TRIM26: variants seen among roughly 807,000 people sequenced by gnomAD.
TRIM26 encodes the protein tripartite motif containing 26, also known as tripartite motif-containing protein 26.
A neutral mutation model predicts 45.5 loss-of-function variants in TRIM26; 16 were observed. That is an observed-to-expected ratio of 0.35 (90% CI 0.24 to 0.53). The LOEUF is 0.53. TRIM26 is among the 20% of genes least tolerant of loss of function. TRIM26 has a pLI of 0.92. For missense variants in TRIM26, 442 were observed against 691.1 expected (o/e 0.64, Z 4.04); for synonymous variants, 273 against 290.4 (o/e 0.94, Z 0.61).
rs546510475 is a variant in TRIM26 at position 30,209,896 on chromosome 6, C to T, written c.-376+3409G>A. 5.9e-5 allele frequency among the ~76,000 whole-genome samples: 9 copies of T among 151,880 alleles called. No homozygotes were observed. The South Asian group carries it at 1.0e-3, about 18-fold the overall frequency. ...AAAAACAAACACACCAAAAAAACTC[C>T]TACTAGCTGAGGTCAAAACTGCACA... On this transcript the variant is annotated intron_variant, in intron 1 of 9. Coordinates refer to ENST00000454678, the MANE Select transcript of TRIM26 (RefSeq NM_003449.5). This position sits in a 1 kb window ranked among gnomAD's most constrained non-coding sequence, Gnocchi z 4.8.
chr6:30,189,732 C>T lies in TRIM26; in HGVS notation c.789-199G>A, dbSNP rs996072300. On this transcript the variant is annotated intron_variant, in intron 7 of 9. Transcript: ENST00000454678. This position sits in a 1 kb window ranked among gnomAD's most constrained non-coding sequence, Gnocchi z 5.0. ...ATCAGTAGACTCCACATCCAGGGCGCTCTGTCTACTAAGCCATGTTTCTAA... is the reference window on the plus strand; with the variant it reads ...ATCAGTAGACTCCACATCCAGGGCGTTCTGTCTACTAAGCCATGTTTCTAA... The T allele has an allele frequency of 1.6e-5, 10 of 614,892 alleles. No individual in the cohort carries two copies. In the African/African-American group the frequency reaches 1.8e-4, roughly 11 times the overall value. 38.1% of individuals were successfully genotyped at this position (614,892 alleles called of 1,614,324 possible).
Position 30,185,811 on chromosome 6 carries a change from G to A in TRIM26, c.*65C>T. ...AGGCCAGGCATCCCGTCCCCCCATT[G>A]AGAGTCCTGGAATTCCAAAGAAGTG... On this transcript the variant is annotated 3_prime_UTR_variant, in exon 10 of 10. Coordinates refer to ENST00000454678, the MANE Select transcript of TRIM26 (RefSeq NM_003449.5). This position sits in a 1 kb window ranked among gnomAD's most constrained non-coding sequence, Gnocchi z 5.7. 1 of 1,536,156 alleles carries A rather than the reference G, an allele frequency of 6.5e-7. No individual in the cohort carries two copies. The highest frequency in any genetic ancestry group is 8.8e-7 in the Non-Finnish European group (1 of 1,136,662).
intron 6 of TRIM26, among the ~76,000 whole-genome samples, chr6:30,193,099 TCTATATAC>T (rs1776040887): frequency 2.3e-5 from 3 of 130,808 alleles, no homozygotes; most frequent in Non-Finnish European, 4.8e-5. Flanking sequence ...TATATATGTA[TCTATATAC>T]ATATATATGT....
intron 1 of TRIM26, among the ~76,000 whole-genome samples, chr6:30,210,465 C>T (rs1042289475): frequency 2.0e-5 from 3 of 152,180 alleles, no homozygotes; most frequent in Admixed American, 2.0e-4. Flanking sequence ...CTGTACCCAT[C>T]CCACCTCTGA....
In TRIM26 at chr6:30,199,786, A is replaced by G. The variant is rs566690032; in HGVS notation, c.-161-522T>C. ...CGAGTAGCTGGGACTACAGGCACCC[A>G]CCACCACACCTGGCTAATTTTTTGT... On this transcript the variant is annotated intron_variant, in intron 3 of 9. Transcript: ENST00000454678. Among the ~76,000 whole-genome samples, 904 of 151,850 alleles carry G rather than the reference A, an allele frequency of 6.0e-3. 16 individuals carry two copies. Among genetic ancestry groups the G allele is most frequent in the African/African-American group, 0.021 (870 of 41,410 alleles).
chr6:30,209,434 G>C lies in TRIM26; in HGVS notation c.-376+3871C>G, dbSNP rs1179778687. Among the ~76,000 whole-genome samples, 1 of 152,162 alleles carries C rather than the reference G, an allele frequency of 6.6e-6. No homozygotes were observed. The highest frequency in any genetic ancestry group is 1.5e-5 in the Non-Finnish European group (1 of 68,034). On this transcript the variant is annotated intron_variant, in intron 1 of 9. Coordinates refer to ENST00000454678, the MANE Select transcript of TRIM26 (RefSeq NM_003449.5). The surrounding 1 kb of genome is among the most constrained non-coding windows in gnomAD (Gnocchi z 4.8). ...CAATGTAACGGTATTAAGAGGTGGGGTCTTTAAGACGTGACTGGGTCATGA... is the reference window on the plus strand; with the variant it reads ...CAATGTAACGGTATTAAGAGGTGGGCTCTTTAAGACGTGACTGGGTCATGA...
chr6:30,196,436 T>A lies in TRIM26; in HGVS notation c.765+80A>T, dbSNP rs1433866075. On this transcript the variant is annotated intron_variant, in intron 6 of 9. Coordinates refer to ENST00000454678, the MANE Select transcript of TRIM26 (RefSeq NM_003449.5). This position sits in a 1 kb window ranked among gnomAD's most constrained non-coding sequence, Gnocchi z 4.9. Reference sequence around the variant, plus strand: ...ATGACAAAACTGAGCCCCCAAGTCTTCTAAGGTCCTGCAAGTGAATGGCAG... The same window carrying A: ...ATGACAAAACTGAGCCCCCAAGTCTACTAAGGTCCTGCAAGTGAATGGCAG... The A allele has an allele frequency of 2.8e-6, 4 of 1,421,664 alleles. No individual in the cohort carries two copies. Among genetic ancestry groups the A allele is most frequent in the Non-Finnish European group, 2.9e-6 (3 of 1,039,400 alleles). 88.1% of individuals were successfully genotyped at this position (1,421,664 alleles called of 1,614,324 possible).
In TRIM26 at chr6:30,207,069, G is replaced by A. The variant is rs1332313221; in HGVS notation, c.-375-2304C>T. Among the ~76,000 whole-genome samples the A allele has an allele frequency of 1.3e-5, 2 of 152,318 alleles. No homozygotes were observed. The highest frequency in any genetic ancestry group is 2.1e-4 in the South Asian group (1 of 4,830). ...GCCTCACAGGCAGAGGAAATCATCC[G>A]CCGGAGAAAGGGTAGCGGTGAATTT... On this transcript the variant is annotated intron_variant, in intron 1 of 9. Coordinates refer to ENST00000454678, the MANE Select transcript of TRIM26 (RefSeq NM_003449.5). The surrounding 1 kb of genome is among the most constrained non-coding windows in gnomAD (Gnocchi z 4.9).
chr6:30,197,603 G>A (rs749220717), intron 5 of TRIM26, among the ~76,000 whole-genome samples: 3 of 152,142 alleles, frequency 2.0e-5, no homozygotes, highest in African/African-American at 7.2e-5. Flanking sequence ...GTATCAGTGG[G>A]TGATGGGTTC....
In TRIM26 at chr6:30,190,085, T is replaced by A. The variant is rs758794356; in HGVS notation, c.766-50A>T. ...AGTATCAATATGAATCAAATAAGAC[T>A]TCAATGCATCTGCACCCAACACTGT... is the stretch of plus-strand genomic sequence containing the variant. On this transcript the variant is annotated intron_variant, in intron 6 of 9. Transcript: ENST00000454678. The surrounding 1 kb of genome is among the most constrained non-coding windows in gnomAD (Gnocchi z 4.3). 2.1e-5 allele frequency: 34 copies of A among 1,598,566 alleles called. No individual in the cohort carries two copies. Among genetic ancestry groups the A allele is most frequent in the Non-Finnish European group, 2.9e-5 (34 of 1,167,844 alleles).
intron 2 of TRIM26, among the ~76,000 whole-genome samples, chr6:30,201,982 G>GGT (rs1777225314): frequency 6.6e-6 from 1 of 152,230 alleles, no homozygotes; most frequent in Non-Finnish European, 1.5e-5. Flanking sequence ...AAAAAGGAGT[G>GGT]GTACTGGGCG....
chr6:30,193,180 A>ATTT (rs1380615658), intron 6 of TRIM26, among the ~76,000 whole-genome samples: 5 of 47,196 alleles, frequency 1.1e-4, no homozygotes, highest in African/African-American at 2.8e-4. Context: ...ATATATATAT[A>ATTT]TATTTTTTTT....
chr6:30,210,999 C>T (rs1162241603), intron 1 of TRIM26, among the ~76,000 whole-genome samples: 2 of 152,182 alleles, frequency 1.3e-5, no homozygotes, highest in Non-Finnish European at 1.5e-5. Flanking sequence ...TATCTGTCTT[C>T]TCTCCCACCA....
rs983081957 is a variant in TRIM26 at position 30,196,282 on chromosome 6, T to C, written c.765+234A>G. On this transcript the variant is annotated intron_variant, in intron 6 of 9. Coordinates refer to ENST00000454678, the MANE Select transcript of TRIM26 (RefSeq NM_003449.5). The surrounding 1 kb of genome is among the most constrained non-coding windows in gnomAD (Gnocchi z 4.9). ...CCCTTCCATTTTCTACTATACCATT[T>C]AGTTTTTTGAACAGTTTTGTGTAAA... Among the ~76,000 whole-genome samples, 2 of 152,272 alleles carry C rather than the reference T, an allele frequency of 1.3e-5. No homozygotes were observed. Among genetic ancestry groups the C allele is most frequent in the Non-Finnish European group, 2.9e-5 (2 of 68,044 alleles).
chr6:30,189,224 G>A lies in TRIM26; in HGVS notation c.905-25C>T. 6.2e-7 allele frequency: 1 copy of A among 1,613,058 alleles called. No individual in the cohort carries two copies. Among genetic ancestry groups the A allele is most frequent in the Non-Finnish European group, 8.5e-7 (1 of 1,180,026 alleles). On this transcript the variant is annotated intron_variant, in intron 8 of 9. Transcript: ENST00000454678. The surrounding 1 kb of genome is among the most constrained non-coding windows in gnomAD (Gnocchi z 5.0). ...CCTGGGGAGAAAAAAGGACAGCAAT[G>A]ACTCAAGTCCCGAAAATTTATGAGC...
rs1777859301 is a variant in TRIM26, at chr6:30,207,682, G to GC, written c.-375-2918dup. ...CTAGCTGGATTCCCAGATAATCATG[G>GC]CCCAGCCTGTGTCTCCAGGCTCATT... On this transcript the variant is annotated intron_variant, in intron 1 of 9. Transcript: ENST00000454678. The surrounding 1 kb of genome is among the most constrained non-coding windows in gnomAD (Gnocchi z 4.9). Among the ~76,000 whole-genome samples, 1 of 152,042 alleles carries GC rather than the reference G, an allele frequency of 6.6e-6. No homozygotes were observed. Among genetic ancestry groups the GC allele is most frequent in the South Asian group, 2.1e-4 (1 of 4,816 alleles).
Position 30,190,111 on chromosome 6 carries a change from A to G in TRIM26, c.766-76T>C, listed in dbSNP as rs1775666960. On this transcript the variant is annotated intron_variant, in intron 6 of 9. Coordinates refer to ENST00000454678, the MANE Select transcript of TRIM26 (RefSeq NM_003449.5). This position sits in a 1 kb window ranked among gnomAD's most constrained non-coding sequence, Gnocchi z 4.3. The stretch of plus-strand genomic sequence containing the variant: ...TCAATGCATCTGCACCCAACACTGT[A>G]GCAGAGATGGGACATATCAGTGAAC... 6.7e-7 allele frequency: 1 copy of G among 1,485,356 alleles called. No individual in the cohort carries two copies. Among genetic ancestry groups the G allele is most frequent in the Admixed American group, 1.7e-5 (1 of 59,218 alleles). The allele number at this position is 1,485,356 out of a possible 1,614,324, so 92.0% of individuals were successfully genotyped here. A position where few individuals can be genotyped will look rare whatever the true frequency, so the allele number is the denominator to read the frequency against.
At chr6:30,199,509 A>G (rs2127513603) in intron 3 of TRIM26, among the ~76,000 whole-genome samples, 1 of 152,310 alleles carries the variant, frequency 6.6e-6, no homozygotes, top group Non-Finnish European at 1.5e-5. Context: ...GAAACTCATA[A>G]TGATACACAT....
rs1035415434 is a variant in TRIM26, at chr6:30,190,151, C to A, written c.766-116G>T. 9 of 1,158,512 alleles carry A rather than the reference C, an allele frequency of 7.8e-6. No individual in the cohort carries two copies. Among genetic ancestry groups the A allele is most frequent in the African/African-American group, 3.1e-5 (2 of 64,892 alleles). 71.8% of individuals were successfully genotyped at this position (1,158,512 alleles called of 1,614,324 possible). A position where few individuals can be genotyped will look rare whatever the true frequency, so the allele number is the denominator to read the frequency against. ...TATCAGTGAACAAAACAAATGTGGTCCCTTTTTTATGGAGCTGACATTCCA... is the reference window on the plus strand; with the variant it reads ...TATCAGTGAACAAAACAAATGTGGTACCTTTTTTATGGAGCTGACATTCCA... On this transcript the variant is annotated intron_variant, in intron 6 of 9. Coordinates refer to ENST00000454678, the MANE Select transcript of TRIM26 (RefSeq NM_003449.5). This position sits in a 1 kb window ranked among gnomAD's most constrained non-coding sequence, Gnocchi z 4.3.
Sources: gnomAD v4.1 joint callset for allele counts (sites outside exome capture counted in the v4.1 genomes callset) on GRCh38, gnomAD v4.1.1 for gene constraint, Gnocchi (gnomAD v3.1) non-coding constraint, MANE v1.5 for transcripts, NCBI Gene and HGNC (gene_info 2026-07-23, HGNC 2026-07-21) for gene names.